VIRMA: variants seen among roughly 807,000 people sequenced by gnomAD.
VIRMA encodes the protein protein virilizer homolog.
A neutral mutation model predicts 182.4 loss-of-function variants in VIRMA; 65 were observed. The observed-to-expected ratio is 0.36, with a 90% CI of 0.29 to 0.44. The LOEUF (loss-of-function observed/expected upper bound fraction) is 0.44. Among genes scored for constraint, VIRMA ranks in the 20% least tolerant of loss-of-function variants. VIRMA has a pLI of 1.00. For synonymous variants in VIRMA, 709 were observed against 743.1 expected, an observed-to-expected ratio of 0.95 and a Z score of 0.75; for missense variants, 1,752 against 2,158.1, an observed-to-expected ratio of 0.81 and a Z score of 3.73.
chr8:94,512,333 G>A, intron 11 of VIRMA: 1 of 202,528 alleles, frequency 4.9e-6, no homozygotes, highest in Non-Finnish European at 9.8e-6. Flanking sequence ...GAACTGTAAT[G>A]CACAAATTCA....
intron 13 of VIRMA, 112 bp from the exon 14 acceptor site, chr8:94,510,764 A>C (rs991590699): frequency 1.2e-6 from 1 of 828,980 alleles, no homozygotes; most frequent in African/African-American, 1.7e-5. Flanking sequence ...TGCATGCTTA[A>C]AACATTTAAT....
intron 16 of VIRMA, 96 bp downstream of exon 16, chr8:94,506,404 C>G: frequency 1.3e-6 from 1 of 763,614 alleles, no homozygotes; most frequent in Non-Finnish European, 2.1e-6. Context: ...ATTTCTTCAA[C>G]TTTCTACAAT....
At position 94,489,973 on chromosome 8, in the gene VIRMA, G is replaced by C. The variant is rs1813558593; in HGVS notation, c.5250C>G (p.Gly1750=). 1.2e-6 allele frequency: 2 copies of C among 1,613,982 alleles called. No homozygotes were observed. Among genetic ancestry groups the C allele is most frequent in the African/African-American group, 2.7e-5 (2 of 74,902 alleles). Residue 1750 remains glycine, a synonymous_variant, in exon 23 of 24, where the codon GGC becomes GGG. Coordinates refer to ENST00000297591, the MANE Select transcript of VIRMA (RefSeq NM_015496.5). ...SRGGQSNFNR[G]PLPPLRPLSS... ...TAAGGGGTCGTAATGGTGGAAGAGG[G>C]CCTCTGTTAAAATTGCTCTGGCCTC...
intron 8 of VIRMA, among the ~76,000 whole-genome samples, chr8:94,520,148 T>C (rs748959431): frequency 6.9e-6 from 1 of 145,442 alleles, no homozygotes; most frequent in Non-Finnish European, 1.5e-5. Flanking sequence ...GAGCCATGAT[T>C]GCTCCACTGC....
intron 7 of VIRMA, 131 bp downstream of exon 7, chr8:94,528,939 C>T: frequency 9.0e-7 from 1 of 1,107,526 alleles, no homozygotes; most frequent in Non-Finnish European, 1.3e-6. Flanking sequence ...TGCCTTGAGG[C>T]CTAGCTACAT....
At chr8:94,495,667 C>A (rs1006410133) in intron 19 of VIRMA, 64 bp downstream of exon 19, 7 of 1,399,318 alleles carry the variant, frequency 5.0e-6, no homozygotes, top group Non-Finnish European at 5.8e-6. Flanking sequence ...TTTGCTGGCA[C>A]CCCCTAGACT....
intron 1 of VIRMA, 127 bp downstream of exon 1, chr8:94,553,258 G>A (rs992694101): frequency 6.2e-5 from 56 of 903,338 alleles, no homozygotes; most frequent in South Asian, 3.7e-4. Flanking sequence ...CTCGGGGGAG[G>A]GTGTCTGTGT....
chr8:94,491,562 C>T lies in VIRMA; in HGVS notation c.5140+16G>A, dbSNP rs368214509. 3.2e-6 allele frequency: 5 copies of T among 1,581,582 alleles called. No individual in the cohort carries two copies. Among genetic ancestry groups the T allele is most frequent in the Non-Finnish European group, 4.3e-6 (5 of 1,153,752 alleles). On this transcript the variant is annotated intron_variant, in intron 22 of 23. Coordinates refer to ENST00000297591, the MANE Select transcript of VIRMA (RefSeq NM_015496.5). ...CAATATTCTAACCCATTAGAAAATACATACTAATTAGTTACCTTTTGAAGC... is the reference window on the plus strand; with the variant it reads ...CAATATTCTAACCCATTAGAAAATATATACTAATTAGTTACCTTTTGAAGC...
At chr8:94,536,994 A>G (rs901833546) in intron 4 of VIRMA, 109 bp downstream of exon 4, 4 of 816,080 alleles carry the variant, frequency 4.9e-6, no homozygotes, top group East Asian at 4.9e-5. Flanking sequence ...ACACAAAGAA[A>G]AAAAAAAAGA....
At chr8:94,538,225 T>G in intron 3 of VIRMA, 35 bp downstream of exon 3, 1 of 1,358,726 alleles carries the variant, frequency 7.4e-7, no homozygotes, top group South Asian at 1.2e-5. Context: ...TACTAACTCA[T>G]GAGTTTCTGG....
At chr8:94,501,235 G>C (rs1249256024) in intron 16 of VIRMA, among the ~76,000 whole-genome samples, 1 of 135,264 alleles carries the variant, frequency 7.4e-6, no homozygotes, top group African/African-American at 2.8e-5. Flanking sequence ...CAGCCCAGGG[G>C]ACAGTGCGAG....
At chr8:94,546,688 T>G in intron 1 of VIRMA, 2 of 321,360 alleles carry the variant, frequency 6.2e-6, no homozygotes, top group Middle Eastern at 8.0e-4. Context: ...GTACCCAATA[T>G]GTAGTCTTTT....
chr8:94,544,720 T>C (rs773576666), intron 1 of VIRMA, among the ~76,000 whole-genome samples: 2 of 151,392 alleles, frequency 1.3e-5, no homozygotes, highest in African/African-American at 4.9e-5. Context: ...TCAGTTCAGA[T>C]TAGACTGCAT....
chr8:94,493,802 TAAAGA>T (rs1217059288), intron 20 of VIRMA, among the ~76,000 whole-genome samples: 4 of 152,192 alleles, frequency 2.6e-5, no homozygotes, highest in Non-Finnish European at 5.9e-5. Flanking sequence ...GTTTCTTTGA[TAAAGA>T]AAAGGAACAA....
intron 15 of VIRMA, among the ~76,000 whole-genome samples, chr8:94,508,363 C>T (rs1323175691): frequency 2.0e-5 from 3 of 152,078 alleles, no homozygotes; most frequent in African/African-American, 7.2e-5. Context: ...GGATTACAGG[C>T]GTGAGCTACC....
At chr8:94,535,080 A>C in intron 4 of VIRMA, 73 bp from the exon 5 acceptor site, 1 of 1,510,248 alleles carries the variant, frequency 6.6e-7, no homozygotes, top group Non-Finnish European at 8.8e-7. Flanking sequence ...CTGATACCAA[A>C]TTAGATTGTG....
chr8:94,529,905 G>A (rs1311964432), intron 6 of VIRMA, among the ~76,000 whole-genome samples: 2 of 152,150 alleles, frequency 1.3e-5, no homozygotes, highest in Non-Finnish European at 2.9e-5. Flanking sequence ...CTCCCAAAGT[G>A]CTGGGATTAC....
rs1190316017 is a variant in VIRMA, at chr8:94,496,388, A to T, written c.4323T>A (p.Leu1441=). ...CTGGACTTTCTTCTTTGCTTTGTAG[A>T]AGCTGTTTTAACTCTGCAGCATTAA... ...MSINAAELKQ[L]LQSKEESPEN... The change falls in exon 18 of 24, where the codon CTT becomes CTA. Residue 1441 remains leucine, a synonymous_variant. Transcript: ENST00000297591. 1 of 1,613,710 alleles carries T rather than the reference A, an allele frequency of 6.2e-7. No individual in the cohort carries two copies. The highest frequency in any genetic ancestry group is 8.5e-7 in the Non-Finnish European group (1 of 1,179,812).
chr8:94,534,719 C>T, intron 5 of VIRMA, 120 bp downstream of exon 5: 1 of 1,187,526 alleles, frequency 8.4e-7, no homozygotes, highest in Admixed American at 2.4e-5. Context: ...CCCTCTCTTC[C>T]TCTCTCCCTC....
Sources: gnomAD v4.1 joint callset for allele counts (sites outside exome capture counted in the v4.1 genomes callset) on GRCh38, gnomAD v4.1.1 for gene constraint, MANE v1.5 for transcripts, NCBI Gene and HGNC (gene_info 2026-07-23, HGNC 2026-07-21) for gene names.